PPP2R5E: variants seen among roughly 807,000 people sequenced by gnomAD.
PPP2R5E encodes the protein serine/threonine-protein phosphatase 2A 56 kDa regulatory subunit epsilon isoform.
PPP2R5E carries 4 observed loss-of-function variants against 65.3 expected under a neutral mutation model. The observed-to-expected ratio is 0.06, with a 90% CI of 0.03 to 0.14. PPP2R5E has a LOEUF of 0.14. PPP2R5E is among the 10% of genes least tolerant of loss of function. The pLI is 1.00. For missense variants in PPP2R5E, 274 were observed against 556.1 expected, an observed-to-expected ratio of 0.49 and a Z score of 5.10; for synonymous variants, 183 against 187.4, an observed-to-expected ratio of 0.98 and a Z score of 0.19.
intron 2 of PPP2R5E, among the ~76,000 whole-genome samples, chr14:63,501,267 T>C (rs902021532): frequency 2.0e-4 from 30 of 151,860 alleles, no homozygotes; most frequent in African/African-American, 7.2e-4. Flanking sequence ...TAGCCGGGCG[T>C]GGTGGCGAGC....
chr14:63,526,613 G>A (rs1893195230), intron 2 of PPP2R5E, among the ~76,000 whole-genome samples: 1 of 152,062 alleles, frequency 6.6e-6, no homozygotes. Flanking sequence ...GAGTGCAGCA[G>A]CATGATCTTG....
intron 3 of PPP2R5E, 84 bp downstream of exon 3, chr14:63,453,605 A>G: frequency 2.9e-6 from 4 of 1,369,926 alleles, no homozygotes; most frequent in African/African-American, 1.4e-5. Flanking sequence ...TTGACCTCCA[A>G]TGACCTCACT....
At chr14:63,458,053 C>A (rs902324588) in intron 2 of PPP2R5E, among the ~76,000 whole-genome samples, 2 of 152,148 alleles carry the variant, frequency 1.3e-5, no homozygotes, top group African/African-American at 4.8e-5. Flanking sequence ...AATGACTACG[C>A]CTACCTCCAA....
chr14:63,518,921 TA>T (rs199616161), intron 2 of PPP2R5E, among the ~76,000 whole-genome samples: 1,877 of 151,674 alleles, frequency 0.012, 21 homozygotes, highest in Middle Eastern at 0.031. Flanking sequence ...AATAAAAAAA[TA>T]AAAAAAATAA....
chr14:63,500,442 T>G (rs1217473579), intron 2 of PPP2R5E, among the ~76,000 whole-genome samples: 2 of 152,230 alleles, frequency 1.3e-5, no homozygotes, highest in Non-Finnish European at 2.9e-5. Flanking sequence ...TTACATTGAC[T>G]AAATTCTAAA....
chr14:63,383,496 A>G (rs1289005149), intron 12 of PPP2R5E, among the ~76,000 whole-genome samples: 2 of 152,230 alleles, frequency 1.3e-5, no homozygotes, highest in Non-Finnish European at 2.9e-5. Flanking sequence ...CACTTGCTAG[A>G]ACCGTTCTCT....
At position 63,531,178 on chromosome 14, in the gene PPP2R5E, A is replaced by C. The variant is rs1893418918; in HGVS notation, c.157+8351T>G. Among the ~76,000 whole-genome samples, 4 of 152,332 alleles carry C rather than the reference A, an allele frequency of 2.6e-5. No individual in the cohort carries two copies. In the South Asian group the frequency reaches 8.3e-4, roughly 32 times the overall value. ...AGCGAAACTCCCATCACAAAAAAAG[A>C]AAGAAAGAAAAAAATAACATATGTA... is the stretch of plus-strand genomic sequence containing the variant. On this transcript the variant is annotated intron_variant, in intron 2 of 13. Coordinates refer to ENST00000337537, the MANE Select transcript of PPP2R5E (RefSeq NM_006246.5).
chr14:63,412,389 T>A (rs1422441198), intron 5 of PPP2R5E, among the ~76,000 whole-genome samples: 3 of 152,232 alleles, frequency 2.0e-5, no homozygotes, highest in Non-Finnish European at 2.9e-5. Context: ...CAAGAAATGC[T>A]CATGAGACTT....
At chr14:63,391,027 A>T (rs997446364) in intron 10 of PPP2R5E, among the ~76,000 whole-genome samples, 19 of 152,312 alleles carry the variant, frequency 1.2e-4, no homozygotes, top group African/African-American at 4.1e-4. Flanking sequence ...CTATTCTAAG[A>T]TGACACAGCA....
rs565930323 is a variant in PPP2R5E, at chr14:63,446,747, T to G, written c.354+6942A>C. Among the ~76,000 whole-genome samples the G allele has an allele frequency of 4.1e-5, 6 of 145,930 alleles. No individual in the cohort carries two copies. In the East Asian group the frequency reaches 1.0e-3, roughly 24 times the overall value. Reference sequence around the variant, plus strand: ...GGGAGGCTGAGGCAGAAGAATGGCGTGAACCCAGGAGGCAGAGCTTGCAGT... The same window carrying G: ...GGGAGGCTGAGGCAGAAGAATGGCGGGAACCCAGGAGGCAGAGCTTGCAGT... On this transcript the variant is annotated intron_variant, in intron 3 of 13. Transcript: ENST00000337537.
rs900228772 is a variant in PPP2R5E at position 63,528,015 on chromosome 14, G to A, written c.157+11514C>T. Among the ~76,000 whole-genome samples, 4 of 151,404 alleles carry A rather than the reference G, an allele frequency of 2.6e-5. No individual in the cohort carries two copies. The South Asian group carries it at 6.2e-4, about 24-fold the overall frequency. Reference sequence around the variant, plus strand: ...ACCCCAGGGCCTACATTCTTACTGAGGGAAACTATGCTTAATTCTACTGTA... The same window carrying A: ...ACCCCAGGGCCTACATTCTTACTGAAGGAAACTATGCTTAATTCTACTGTA... On this transcript the variant is annotated intron_variant, in intron 2 of 13. Coordinates refer to ENST00000337537, the MANE Select transcript of PPP2R5E (RefSeq NM_006246.5).
intron 2 of PPP2R5E, among the ~76,000 whole-genome samples, chr14:63,462,337 T>C (rs1463749853): frequency 6.6e-6 from 1 of 152,168 alleles, no homozygotes; most frequent in East Asian, 1.9e-4. Flanking sequence ...CCCAAAGTGC[T>C]AGGATTACAG....
chr14:63,530,710 C>T (rs1313300560), intron 2 of PPP2R5E, among the ~76,000 whole-genome samples: 1 of 148,658 alleles, frequency 6.7e-6, no homozygotes, highest in East Asian at 2.0e-4. Context: ...ACCTCTGCCT[C>T]CCAGTTCAAG....
chr14:63,471,763 T>C (rs931397016), intron 2 of PPP2R5E, among the ~76,000 whole-genome samples: 9 of 152,208 alleles, frequency 5.9e-5, no homozygotes, highest in Non-Finnish European at 1.0e-4. Flanking sequence ...ATCCCACCTC[T>C]GCTAAAGACT....
intron 2 of PPP2R5E, among the ~76,000 whole-genome samples, chr14:63,535,864 G>A (rs1893654973): frequency 6.6e-6 from 1 of 151,920 alleles, no homozygotes; most frequent in Non-Finnish European, 1.5e-5. Context: ...TTCTCTTAAG[G>A]CAATGGCCAA....
At chr14:63,507,377 C>T (rs1892236659) in intron 2 of PPP2R5E, among the ~76,000 whole-genome samples, 1 of 152,126 alleles carries the variant, frequency 6.6e-6, no homozygotes, top group South Asian at 2.1e-4. Context: ...CTGGATTAAT[C>T]TCAGAAGGGC....
chr14:63,493,487 T>TGC (rs1555365671), intron 2 of PPP2R5E, among the ~76,000 whole-genome samples: 2 of 121,214 alleles, frequency 1.6e-5, no homozygotes, highest in Non-Finnish European at 3.3e-5. Flanking sequence ...CGCGCGCGTG[T>TGC]GTGTGTGCGT....
intron 2 of PPP2R5E, among the ~76,000 whole-genome samples, chr14:63,529,579 G>A (rs143195831): frequency 0.01 from 1,516 of 147,488 alleles, 27 homozygotes; most frequent in African/African-American, 0.035. Context: ...GGTTTTCACC[G>A]TGTTAGCCAG....
chr14:63,503,276 G>A (rs911027334), intron 2 of PPP2R5E, among the ~76,000 whole-genome samples: 1 of 152,254 alleles, frequency 6.6e-6, no homozygotes, highest in East Asian at 1.9e-4. Context: ...GACAGAAGAC[G>A]AATTTCCATC....
Sources: gnomAD v4.1 joint callset for allele counts (sites outside exome capture counted in the v4.1 genomes callset) on GRCh38, gnomAD v4.1.1 for gene constraint, MANE v1.5 for transcripts, NCBI Gene and HGNC (gene_info 2026-07-23, HGNC 2026-07-21) for gene names.